The following TRIM44 variants were observed in gnomAD, a reference collection of about 807,000 sequenced individuals.
TRIM44 encodes the protein tripartite motif-containing protein 44.
Under a neutral mutation model 37.4 loss-of-function variants are expected in TRIM44, and 13 were observed. The ratio of observed to expected loss-of-function variants is 0.35; its 90% CI spans 0.23 to 0.55. TRIM44 has a LOEUF of 0.55. TRIM44 is among the 20% of genes least tolerant of loss of function. The pLI is 0.89. For synonymous variants in TRIM44, 175 were observed against 157.2 expected, an observed-to-expected ratio of 1.11 and a Z score of -0.85; for missense variants, 426 against 437.2, an observed-to-expected ratio of 0.97 and a Z score of 0.23.
intron 4 of TRIM44, among the ~76,000 whole-genome samples, chr11:35,778,624 A>G (rs1853008587): frequency 6.6e-6 from 1 of 152,122 alleles, no homozygotes; most frequent in South Asian, 2.1e-4. Context: ...GATGATGGTG[A>G]CGTACAGATG....
intron 4 of TRIM44, among the ~76,000 whole-genome samples, chr11:35,757,348 A>C (rs533068397): frequency 3.9e-5 from 6 of 152,048 alleles, no homozygotes; most frequent in African/African-American, 1.4e-4. Context: ...CTGTGGTGAT[A>C]TCCCCTTTAT....
chr11:35,716,284 G>T (rs1386034816), intron 2 of TRIM44, among the ~76,000 whole-genome samples: 1 of 152,162 alleles, frequency 6.6e-6, no homozygotes, highest in Non-Finnish European at 1.5e-5. Flanking sequence ...GGAGTTAGAA[G>T]CAAGATGCTA....
chr11:35,738,797 G>A (rs2094484985), intron 4 of TRIM44, among the ~76,000 whole-genome samples: 1 of 152,178 alleles, frequency 6.6e-6, no homozygotes, highest in Non-Finnish European at 1.5e-5. Flanking sequence ...AGGGATGGAT[G>A]AGAAATGAAG....
chr11:35,783,223 C>T (rs1853087753), intron 4 of TRIM44, among the ~76,000 whole-genome samples: 1 of 152,140 alleles, frequency 6.6e-6, no homozygotes, highest in African/African-American at 2.4e-5. Context: ...TAGTATATAG[C>T]AGAGCCCTCA....
At chr11:35,706,285 A>G (rs887232307) in intron 2 of TRIM44, among the ~76,000 whole-genome samples, 4 of 151,264 alleles carry the variant, frequency 2.6e-5, no homozygotes, top group African/African-American at 9.7e-5. Context: ...TTACCAACCA[A>G]AAAGAGTCCA....
chr11:35,683,524 T>C (rs564556977), intron 1 of TRIM44, among the ~76,000 whole-genome samples: 5 of 152,302 alleles, frequency 3.3e-5, no homozygotes, highest in South Asian at 2.1e-4. Context: ...TTGGAAGATA[T>C]GTTATCACAG....
At chr11:35,682,394 G>C (rs1014675664) in intron 1 of TRIM44, among the ~76,000 whole-genome samples, 2 of 152,162 alleles carry the variant, frequency 1.3e-5, no homozygotes, top group African/African-American at 4.8e-5. Flanking sequence ...GGAATGTGGG[G>C]AAAGTGGTGG....
At chr11:35,747,604 T>G (rs988966383) in intron 4 of TRIM44, among the ~76,000 whole-genome samples, 1 of 152,096 alleles carries the variant, frequency 6.6e-6, no homozygotes, top group Admixed American at 6.6e-5. Flanking sequence ...GAGAAAATTT[T>G]TTCATTTTCT....
rs529625560 is a variant in TRIM44 at position 35,705,214 on chromosome 11, A to C, written c.747+19878A>C. Reference sequence around the variant, plus strand: ...ATCAATTCAACAAGAAGAGCTAACTATCCTAAATATATATGCACCCAATAC... The same window carrying C: ...ATCAATTCAACAAGAAGAGCTAACTCTCCTAAATATATATGCACCCAATAC... On this transcript the variant is annotated intron_variant, in intron 2 of 4. Transcript: ENST00000299413. Among the ~76,000 whole-genome samples the C allele has an allele frequency of 5.3e-5, 8 of 151,736 alleles. No homozygotes were observed. In the East Asian group the frequency reaches 1.6e-3, roughly 29 times the overall value.
intron 4 of TRIM44, among the ~76,000 whole-genome samples, chr11:35,800,954 T>C (rs1316144655): frequency 2.0e-5 from 3 of 152,188 alleles, no homozygotes; most frequent in Non-Finnish European, 4.4e-5. Context: ...CATGTTTTTC[T>C]CAGTTAGCCC....
At chr11:35,687,619 T>C (rs1292532444) in intron 2 of TRIM44, among the ~76,000 whole-genome samples, 2 of 152,224 alleles carry the variant, frequency 1.3e-5, no homozygotes, top group African/African-American at 4.8e-5. Context: ...CTGAGTGTTC[T>C]CTGTGTATGA....
rs201178571 is a variant in TRIM44 at position 35,713,101 on chromosome 11, C to G, written c.748-12823C>G. Among the ~76,000 whole-genome samples the G allele has an allele frequency of 2.0e-4, 30 of 152,304 alleles. No homozygotes were observed. In the East Asian group the frequency reaches 5.4e-3, roughly 27 times the overall value. On this transcript the variant is annotated intron_variant, in intron 2 of 4. Coordinates refer to ENST00000299413, the MANE Select transcript of TRIM44 (RefSeq NM_017583.6). ...AATATAAAATTTGAGAACAGTGCCTCTCTCCTGATTGACTGCATTTAGCCA... is the reference window on the plus strand; with the variant it reads ...AATATAAAATTTGAGAACAGTGCCTGTCTCCTGATTGACTGCATTTAGCCA...
At chr11:35,683,773 T>C (rs1851544896) in intron 1 of TRIM44, among the ~76,000 whole-genome samples, 1 of 152,044 alleles carries the variant, frequency 6.6e-6, no homozygotes, top group South Asian at 2.1e-4. Flanking sequence ...ATGGCATTCA[T>C]GTCTTAAGGT....
intron 4 of TRIM44, among the ~76,000 whole-genome samples, chr11:35,805,869 C>T (rs769122061): frequency 3.2e-4 from 48 of 152,154 alleles, no homozygotes; most frequent in Non-Finnish European, 6.8e-4. Context: ...GTCCCTATGG[C>T]ATGAGTTGAA....
chr11:35,680,965 T>G (rs1411558282), intron 1 of TRIM44, among the ~76,000 whole-genome samples: 1 of 152,200 alleles, frequency 6.6e-6, no homozygotes, highest in Admixed American at 6.5e-5. Context: ...TTATTTGGCC[T>G]TTTCTTACTG....
chr11:35,720,415 TCTTTTTTTTTTTTC>T (rs1298178883), intron 2 of TRIM44, among the ~76,000 whole-genome samples: 4 of 151,174 alleles, frequency 2.6e-5, no homozygotes, highest in Admixed American at 2.0e-4. Context: ...GAGGTTTTTT[TCTTTTTTTTTTTTC>T]CTTTTTTTTT....
intron 4 of TRIM44, among the ~76,000 whole-genome samples, chr11:35,769,619 G>A (rs546257697): frequency 3.7e-4 from 56 of 152,266 alleles, no homozygotes; most frequent in African/African-American, 1.3e-3. Flanking sequence ...GTCTTTAAAA[G>A]GGGGATAATT....
chr11:35,797,240 A>C (rs944842443), intron 4 of TRIM44, among the ~76,000 whole-genome samples: 1 of 152,254 alleles, frequency 6.6e-6, no homozygotes, highest in African/African-American at 2.4e-5. Flanking sequence ...TTTGAGCAAC[A>C]AAATAGTAAT....
intron 4 of TRIM44, among the ~76,000 whole-genome samples, chr11:35,785,234 C>A (rs1333395441): frequency 6.6e-6 from 1 of 152,188 alleles, no homozygotes; most frequent in South Asian, 2.1e-4. Context: ...TGCTGTATCA[C>A]CTAAAAGAAA....
Sources: allele counts gnomAD v4.1 joint callset (sites outside exome capture counted in the v4.1 genomes callset), GRCh38; gene constraint gnomAD v4.1.1; transcripts MANE v1.5; gene names NCBI Gene and HGNC (gene_info 2026-07-23, HGNC 2026-07-21).